Variants in SLC4A1AP observed in about 807,000 individuals in gnomAD.
SLC4A1AP encodes the protein kanadaptin.
SLC4A1AP carries 64 observed loss-of-function variants against 89.7 expected under a neutral mutation model. That is an observed-to-expected ratio of 0.71 (90% CI 0.58 to 0.88). The LOEUF is 0.88. Ranked by LOEUF, SLC4A1AP falls within the 40% of genes least tolerant of loss-of-function variation. The probability of loss-of-function intolerance (pLI) is 0.00; values close to 1 mark genes in which losing one functional copy is unlikely to be tolerated. For synonymous variants in SLC4A1AP, 366 were observed against 353.3 expected (o/e 1.04, Z -0.40); for missense variants, 931 against 965.0 (o/e 0.96, Z 0.47).
At chr2:27,673,571 C>A (rs1675466709) in intron 5 of SLC4A1AP, among the ~76,000 whole-genome samples, 1 of 151,792 alleles carries the variant, frequency 6.6e-6, no homozygotes, top group Non-Finnish European at 1.5e-5. Context: ...TCAAGCGATC[C>A]TCCCGCCTCA....
intron 9 of SLC4A1AP, 125 bp from the exon 10 acceptor site, chr2:27,684,912 T>TA (rs1572995529): frequency 8.9e-7 from 1 of 1,127,264 alleles, no homozygotes; most frequent in Admixed American, 2.6e-5. Context: ...CCAGCAGACT[T>TA]CTGTGGAGTT....
chr2:27,687,902 A>G, intron 10 of SLC4A1AP, 32 bp from the exon 11 acceptor site: 3 of 1,545,116 alleles, frequency 1.9e-6, no homozygotes, highest in Non-Finnish European at 2.7e-6. Context: ...GAATTAAATC[A>G]TGACAATATG....
rs1037785080 is a variant in SLC4A1AP at position 27,677,934 on chromosome 2, A to G, written c.1763+10A>G. The G allele has an allele frequency of 1.3e-5, 20 of 1,557,922 alleles. No individual in the cohort carries two copies. The highest frequency in any genetic ancestry group is 1.7e-5 in the Non-Finnish European group (20 of 1,148,282). ...TTCCAGAACTAAAAAAGTAAGTCTT[A>G]GTTATATTTGGAATTCTAAATAAGT... is the stretch of plus-strand genomic sequence containing the variant. On this transcript the variant is annotated intron_variant, in intron 8 of 13. Transcript: ENST00000613058.
chr2:27,676,379 A>G (rs1413725254), intron 6 of SLC4A1AP, among the ~76,000 whole-genome samples: 4 of 152,234 alleles, frequency 2.6e-5, no homozygotes, highest in African/African-American at 7.2e-5. Flanking sequence ...AGCTTAAAAC[A>G]TTACCCAACA....
intron 5 of SLC4A1AP, among the ~76,000 whole-genome samples, chr2:27,673,373 CTCT>C (rs1675459258): frequency 6.7e-6 from 1 of 148,184 alleles, no homozygotes; most frequent in African/African-American, 2.5e-5. Flanking sequence ...TCCCTCCCTT[CTCT>C]TTTTTCCTTT....
intron 8 of SLC4A1AP, among the ~76,000 whole-genome samples, chr2:27,680,254 G>A (rs919320394): frequency 2.0e-5 from 3 of 151,968 alleles, no homozygotes; most frequent in African/African-American, 7.3e-5. Context: ...GTGGCTGGGG[G>A]ACAGCAATGG....
chr2:27,671,343 A>G (rs1230254188), intron 5 of SLC4A1AP, among the ~76,000 whole-genome samples: 3 of 152,200 alleles, frequency 2.0e-5, no homozygotes, highest in African/African-American at 7.2e-5. Context: ...GCTTATGCAA[A>G]TATTAGTTAT....
At chr2:27,691,039 C>T (rs1302435979) in intron 12 of SLC4A1AP, among the ~76,000 whole-genome samples, 3 of 151,814 alleles carry the variant, frequency 2.0e-5, no homozygotes, top group Middle Eastern at 3.4e-3. Context: ...TGTATCAGGG[C>T]GATATTAGCT....
chr2:27,665,134 T>A lies in SLC4A1AP; in HGVS notation c.860T>A (p.Leu287Ter), dbSNP rs1035267984. Residue 287 changes from leucine (L) to a stop codon, truncating the protein, a stop_gained, in exon 2 of 14, where the codon TTA (leucine) becomes TAA (stop). Transcript: ENST00000613058. LOFTEE classifies it high-confidence loss of function. ...GAAGACCGAGAGGCAGAATCCGAGT[T>A]AACAGTAACACAGTTGAAGGAATTG... is the stretch of plus-strand genomic sequence containing the variant. 1 of 1,613,050 alleles carries A rather than the reference T, an allele frequency of 6.2e-7. No homozygotes were observed. Among genetic ancestry groups the A allele is most frequent in the Non-Finnish European group, 8.5e-7 (1 of 1,179,586 alleles).
At chr2:27,678,907 G>A (rs1355897723) in intron 8 of SLC4A1AP, among the ~76,000 whole-genome samples, 2 of 151,704 alleles carry the variant, frequency 1.3e-5, no homozygotes, top group East Asian at 3.9e-4. Context: ...TTGTAGAGAT[G>A]GGGTCTTGCC....
chr2:27,675,889 G>A (rs998822229), intron 6 of SLC4A1AP, among the ~76,000 whole-genome samples, 197 bp downstream of exon 6: 2 of 152,040 alleles, frequency 1.3e-5, no homozygotes, highest in Admixed American at 1.3e-4. Context: ...AAAAAATATG[G>A]CTTGCTGCTA....
rs147605148 is a variant in SLC4A1AP, at chr2:27,681,091, A to G, written c.1764-1157A>G. On this transcript the variant is annotated intron_variant, in intron 8 of 13. Transcript: ENST00000613058. ...TTTTCATCTCCTTTGAGCCAGTCTT[A>G]GCTTATCCTCTAGGCCAGCCTGGCT... 3.3e-5 allele frequency among the ~76,000 whole-genome samples: 5 copies of G among 152,242 alleles called. No individual in the cohort carries two copies. In the East Asian group the frequency reaches 9.7e-4, roughly 29 times the overall value.
intron 8 of SLC4A1AP, among the ~76,000 whole-genome samples, chr2:27,681,105 G>T (rs1329393029): frequency 6.6e-6 from 1 of 152,034 alleles, no homozygotes; most frequent in Non-Finnish European, 1.5e-5. Flanking sequence ...TATCCTCTAG[G>T]CCAGCCTGGC....
chr2:27,666,815 C>A (rs904265265), intron 2 of SLC4A1AP, among the ~76,000 whole-genome samples: 1 of 151,752 alleles, frequency 6.6e-6, no homozygotes, highest in African/African-American at 2.4e-5. Context: ...GTTCCACCCC[C>A]TGTCCCTGCA....
At chr2:27,682,205 G>T in intron 8 of SLC4A1AP, 43 bp from the exon 9 acceptor site, 2 of 1,301,144 alleles carry the variant, frequency 1.5e-6, no homozygotes, top group South Asian at 1.3e-5. Context: ...TAAAACCTTG[G>T]GACTCCCTGG....
intron 2 of SLC4A1AP, 54 bp from the exon 3 acceptor site, chr2:27,667,214 A>T (rs1675343799): frequency 1.9e-6 from 3 of 1,566,330 alleles, no homozygotes. Context: ...GGTATCATTC[A>T]AATAGTCTCT....
At chr2:27,667,838 C>CTATGTATATG (rs1675358478) in intron 3 of SLC4A1AP, among the ~76,000 whole-genome samples, 1 of 151,152 alleles carries the variant, frequency 6.6e-6, no homozygotes. Context: ...GAGAGAATAT[C>CTATGTATATG]TATGTATATG....
chr2:27,689,960 T>G (rs1452656607), intron 12 of SLC4A1AP, among the ~76,000 whole-genome samples: 1 of 152,234 alleles, frequency 6.6e-6, no homozygotes, highest in East Asian at 1.9e-4. Flanking sequence ...AACTGCCCCT[T>G]TTAAAGAGTG....
intron 10 of SLC4A1AP, among the ~76,000 whole-genome samples, chr2:27,687,450 G>T (rs1002206695): frequency 8.6e-5 from 13 of 152,020 alleles, no homozygotes; most frequent in African/African-American, 3.1e-4. Context: ...TATTGGCCAG[G>T]CATGGTGGTA....
Sources: gnomAD v4.1 joint callset for allele counts (sites outside exome capture counted in the v4.1 genomes callset) on GRCh38, gnomAD v4.1.1 for gene constraint, MANE v1.5 for transcripts, NCBI Gene and HGNC (gene_info 2026-07-23, HGNC 2026-07-21) for gene names.